RIT2: variants seen among roughly 807,000 people sequenced by gnomAD.
RIT2 encodes the protein GTP-binding protein Rit2.
In RIT2, 24 loss-of-function variants were observed where a neutral mutation model predicts 23.7. That is an observed-to-expected ratio of 1.01 (90% CI 0.73 to 1.43). The LOEUF (loss-of-function observed/expected upper bound fraction) is 1.43. Among genes scored for constraint, RIT2 ranks in the 40% most tolerant of loss-of-function variants. The probability of loss-of-function intolerance (pLI) is 0.00; values close to 1 mark genes in which losing one functional copy is unlikely to be tolerated. For missense variants in RIT2, 236 were observed against 266.9 expected (o/e 0.88, Z 0.81); for synonymous variants, 107 against 91.1 (o/e 1.17, Z -0.99).
chr18:43,009,409 C>G (rs1369630965), intron 2 of RIT2, among the ~76,000 whole-genome samples: 1 of 151,676 alleles, frequency 6.6e-6, no homozygotes, highest in East Asian at 2.0e-4. Context: ...TCTGCACTCT[C>G]AGGTCCTATT....
intron 4 of RIT2, 21 bp from the exon 5 acceptor site, chr18:42,743,741 A>T: frequency 6.6e-7 from 1 of 1,519,964 alleles, no homozygotes; most frequent in Non-Finnish European, 9.0e-7. Context: ...AACAAATAAT[A>T]TTAAAAAGAC....
At chr18:43,056,149 G>C (rs1447229455) in intron 1 of RIT2, among the ~76,000 whole-genome samples, 1 of 152,022 alleles carries the variant, frequency 6.6e-6, no homozygotes, top group East Asian at 1.9e-4. Flanking sequence ...AGCAACAGTT[G>C]TCTCTTATTA....
chr18:43,006,367 T>C (rs2144248585), intron 2 of RIT2, among the ~76,000 whole-genome samples: 1 of 151,730 alleles, frequency 6.6e-6, no homozygotes. Flanking sequence ...AAAGCAGCAG[T>C]AGCAAAATGT....
intron 2 of RIT2, among the ~76,000 whole-genome samples, chr18:42,984,220 G>C (rs4613156): frequency 0.16 from 24,864 of 151,928 alleles, 2,217 homozygotes; most frequent in Middle Eastern, 0.23. Context: ...GAATACTGTT[G>C]AATAATAAAA....
At chr18:42,864,585 A>C (rs181369159) in intron 4 of RIT2, among the ~76,000 whole-genome samples, 1 of 152,308 alleles carries the variant, frequency 6.6e-6, no homozygotes, top group East Asian at 1.9e-4. Flanking sequence ...GTTTTCAAAG[A>C]GACTCGCTCA....
At chr18:43,016,882 C>A (rs574795101) in intron 2 of RIT2, among the ~76,000 whole-genome samples, 19 of 151,802 alleles carry the variant, frequency 1.3e-4, no homozygotes, top group Non-Finnish European at 2.1e-4. Flanking sequence ...TCACCAGGAA[C>A]CATATCAACA....
chr18:42,827,868 G>A (rs1418325472), intron 4 of RIT2, among the ~76,000 whole-genome samples: 1 of 151,774 alleles, frequency 6.6e-6, no homozygotes, highest in African/African-American at 2.4e-5. Context: ...AGCCGGGCAT[G>A]GTGGCACGCG....
intron 2 of RIT2, among the ~76,000 whole-genome samples, chr18:42,980,061 G>A (rs1273743273): frequency 1.3e-5 from 2 of 152,236 alleles, no homozygotes; most frequent in South Asian, 2.1e-4. Context: ...GAGATCTGAT[G>A]TAACCCTTCC....
chr18:42,894,560 G>T (rs948634119), intron 4 of RIT2, among the ~76,000 whole-genome samples: 6 of 152,102 alleles, frequency 3.9e-5, no homozygotes, highest in African/African-American at 1.4e-4. Flanking sequence ...ATAATTAAAG[G>T]CTATGCTGTG....
At chr18:43,034,859 G>T (rs1911939684) in intron 1 of RIT2, among the ~76,000 whole-genome samples, 1 of 152,110 alleles carries the variant, frequency 6.6e-6, no homozygotes, top group African/African-American at 2.4e-5. Flanking sequence ...TCCCCTTGAT[G>T]TCTCCTCTTA....
In RIT2 at chr18:43,112,431, A is replaced by G. The variant is rs546606488; in HGVS notation, c.103+2986T>C. 1.2e-4 allele frequency among the ~76,000 whole-genome samples: 18 copies of G among 152,356 alleles called. No homozygotes were observed. In the South Asian group the frequency reaches 3.5e-3, roughly 30 times the overall value. On this transcript the variant is annotated intron_variant, in intron 1 of 4. Coordinates refer to ENST00000326695, the MANE Select transcript of RIT2 (RefSeq NM_002930.4). Reference sequence around the variant, plus strand: ...TTACGTCCTTCATAGTAACTAGTATAGGACTGTGCATAATACGTGCTCAGT... The same window carrying G: ...TTACGTCCTTCATAGTAACTAGTATGGGACTGTGCATAATACGTGCTCAGT...
chr18:43,065,920 T>G (rs1338544362), intron 1 of RIT2, among the ~76,000 whole-genome samples: 1 of 152,114 alleles, frequency 6.6e-6, no homozygotes. Flanking sequence ...ATGGTGAGGG[T>G]CTGTTTAGTG....
intron 1 of RIT2, among the ~76,000 whole-genome samples, chr18:43,110,198 T>A (rs559883694): frequency 1.3e-5 from 2 of 152,164 alleles, no homozygotes; most frequent in African/African-American, 4.8e-5. Flanking sequence ...AACATTATCA[T>A]TATGTTAAGT....
At chr18:43,108,007 C>CAAA (rs5824469) in intron 1 of RIT2, among the ~76,000 whole-genome samples, 13,870 of 136,000 alleles carry the variant, frequency 0.1, 906 homozygotes, top group East Asian at 0.32. Context: ...ACTAAAAATA[C>CAAA]AAAAAAAAAA....
At chr18:43,102,256 C>A (rs1474409417) in intron 1 of RIT2, among the ~76,000 whole-genome samples, 1 of 152,110 alleles carries the variant, frequency 6.6e-6, no homozygotes, top group African/African-American at 2.4e-5. Flanking sequence ...TTCAGTGTTG[C>A]AACTACAATC....
At chr18:42,944,828 A>C (rs1304236087) in intron 3 of RIT2, among the ~76,000 whole-genome samples, 1 of 152,200 alleles carries the variant, frequency 6.6e-6, no homozygotes, top group Middle Eastern at 3.4e-3. Flanking sequence ...ATTCTACTTA[A>C]GTTCCATTTT....
At chr18:42,809,269 A>G (rs1033401788) in intron 4 of RIT2, among the ~76,000 whole-genome samples, 1 of 152,130 alleles carries the variant, frequency 6.6e-6, no homozygotes, top group Admixed American at 6.6e-5. Flanking sequence ...CGGTTAAAAG[A>G]CTTGACCAAA....
At chr18:42,909,918 C>A (rs1908722982) in intron 4 of RIT2, among the ~76,000 whole-genome samples, 1 of 151,878 alleles carries the variant, frequency 6.6e-6, no homozygotes, top group African/African-American at 2.4e-5. Flanking sequence ...ATAGTTGGAG[C>A]AAAAGACGAA....
chr18:42,868,850 C>T lies in RIT2; in HGVS notation c.426+54722G>A, dbSNP rs1173777265. On this transcript the variant is annotated intron_variant, in intron 4 of 4. Transcript: ENST00000326695. The stretch of plus-strand genomic sequence containing the variant: ...ATCACAGAATCAGGAACCTCAATGG[C>T]CTTTTTTTCCCCAGCCTTTCTCCTA... Among the ~76,000 whole-genome samples, 5 of 152,130 alleles carry T rather than the reference C, an allele frequency of 3.3e-5. 1 individual carries two copies. In the South Asian group the frequency reaches 6.2e-4, roughly 19 times the overall value.
Sources: gnomAD v4.1 joint callset for allele counts (sites outside exome capture counted in the v4.1 genomes callset) on GRCh38, gnomAD v4.1.1 for gene constraint, MANE v1.5 for transcripts, NCBI Gene and HGNC (gene_info 2026-07-23, HGNC 2026-07-21) for gene names.